TENM4: variants seen among roughly 807,000 people sequenced by gnomAD.
The protein encoded by TENM4 is teneurin transmembrane protein 4, also known as teneurin-4.
TENM4 carries 82 observed loss-of-function variants against 243.3 expected under a neutral mutation model. The observed-to-expected ratio is 0.34, with a 90% CI of 0.28 to 0.40. TENM4 has a LOEUF of 0.40. TENM4 is among the 10% of genes least tolerant of loss of function. The probability of loss-of-function intolerance (pLI) is 1.00; values close to 1 mark genes in which losing one functional copy is unlikely to be tolerated. For synonymous variants in TENM4, 1,412 were observed against 1,456.3 expected (o/e 0.97, Z 0.69); for missense variants, 3,138 against 3,673.3 (o/e 0.85, Z 3.77).
intron 2 of TENM4, among the ~76,000 whole-genome samples, chr11:79,261,737 A>G (rs1008349677): frequency 6.6e-6 from 1 of 152,132 alleles, no homozygotes; most frequent in Non-Finnish European, 1.5e-5. Flanking sequence ...AGATGAAACC[A>G]TTTAAAAAGC....
At chr11:78,912,313 G>A (rs1357549156) in intron 6 of TENM4, among the ~76,000 whole-genome samples, 1 of 152,180 alleles carries the variant, frequency 6.6e-6, no homozygotes. Flanking sequence ...GGAGTGCAGT[G>A]GTGCGATCTC....
At chr11:79,013,876 A>G (rs1858709978) in intron 6 of TENM4, among the ~76,000 whole-genome samples, 1 of 152,162 alleles carries the variant, frequency 6.6e-6, no homozygotes, top group South Asian at 2.1e-4. Flanking sequence ...GCCCTCAGAG[A>G]TCCAGCTGAG....
chr11:79,137,101 T>A (rs1862124558), intron 4 of TENM4, among the ~76,000 whole-genome samples: 1 of 152,188 alleles, frequency 6.6e-6, no homozygotes, highest in Non-Finnish European at 1.5e-5. Flanking sequence ...TTTTACTTCC[T>A]GTTCCTGTGA....
At chr11:79,195,025 C>A (rs1002262818) in intron 3 of TENM4, among the ~76,000 whole-genome samples, 2 of 152,182 alleles carry the variant, frequency 1.3e-5, no homozygotes, top group Admixed American at 1.3e-4. Flanking sequence ...TCCAGCCATG[C>A]CTGAAAGGGG....
intron 1 of TENM4, among the ~76,000 whole-genome samples, chr11:79,422,955 AT>A (rs1419804456): frequency 1.4e-4 from 22 of 152,212 alleles, no homozygotes; most frequent in Admixed American, 2.6e-4. Context: ...CAGCTGGGCC[AT>A]TTGAATCAGA....
At chr11:79,321,079 CAGGGTT>C (rs1856880661) in intron 1 of TENM4, among the ~76,000 whole-genome samples, 1 of 152,224 alleles carries the variant, frequency 6.6e-6, no homozygotes. Flanking sequence ...GGCCTAGCTT[CAGGGTT>C]AGTGTACCAC....
chr11:79,418,094 C>T (rs1231598128), intron 1 of TENM4, among the ~76,000 whole-genome samples: 1 of 151,854 alleles, frequency 6.6e-6, no homozygotes, highest in African/African-American at 2.4e-5. Context: ...AGAAAGCAAA[C>T]ATAAATATGA....
At chr11:79,236,692 C>T (rs1032948936) in intron 2 of TENM4, among the ~76,000 whole-genome samples, 11 of 152,176 alleles carry the variant, frequency 7.2e-5, no homozygotes, top group African/African-American at 2.7e-4. Flanking sequence ...ACTTCAACCT[C>T]CTTCCAGTGT....
chr11:78,818,524 G>A (rs1444189871), intron 12 of TENM4, among the ~76,000 whole-genome samples: 1 of 152,160 alleles, frequency 6.6e-6, no homozygotes, highest in Non-Finnish European at 1.5e-5. Context: ...ATGGAAAGGA[G>A]AAATATAGAG....
chr11:79,274,939 C>T (rs1027105034), intron 2 of TENM4, among the ~76,000 whole-genome samples: 1 of 152,172 alleles, frequency 6.6e-6, no homozygotes, highest in Non-Finnish European at 1.5e-5. Context: ...TGCTCAGTGG[C>T]TCTCGCACAG....
intron 4 of TENM4, among the ~76,000 whole-genome samples, chr11:79,117,231 C>G (rs1210274753): frequency 6.6e-6 from 1 of 152,186 alleles, no homozygotes. Context: ...TGATTTTCCC[C>G]TTCATCAGCT....
At chr11:78,778,542 A>G in intron 17 of TENM4, 60 bp downstream of exon 17, 2 of 1,538,668 alleles carry the variant, frequency 1.3e-6, no homozygotes, top group Middle Eastern at 1.7e-4. Flanking sequence ...TTCTTCTTTT[A>G]TACTCATACA....
chr11:79,052,197 C>A (rs544896776), intron 6 of TENM4, among the ~76,000 whole-genome samples: 3 of 152,198 alleles, frequency 2.0e-5, no homozygotes, highest in African/African-American at 7.2e-5. Context: ...GGAATTGCCA[C>A]GCTGTCTTCC....
chr11:79,347,940 C>T (rs1351503775), intron 1 of TENM4, among the ~76,000 whole-genome samples: 2 of 151,604 alleles, frequency 1.3e-5, no homozygotes, highest in Admixed American at 6.6e-5. Flanking sequence ...CCACCGCGCC[C>T]GGCTAATTTT....
At chr11:78,816,581 C>T (rs1857608981) in intron 12 of TENM4, among the ~76,000 whole-genome samples, 1 of 152,170 alleles carries the variant, frequency 6.6e-6, no homozygotes, top group South Asian at 2.1e-4. Flanking sequence ...AGACATCCAG[C>T]CCAATGATCT....
intron 1 of TENM4, among the ~76,000 whole-genome samples, chr11:79,325,472 A>T (rs932797274): frequency 1.3e-5 from 2 of 152,166 alleles, no homozygotes; most frequent in Admixed American, 1.3e-4. Context: ...GGAATGCCCC[A>T]CTGGTATAAC....
chr11:78,995,037 A>G (rs763021922), intron 6 of TENM4, among the ~76,000 whole-genome samples: 3 of 152,248 alleles, frequency 2.0e-5, no homozygotes, highest in Non-Finnish European at 4.4e-5. Flanking sequence ...GAGTGAGGTG[A>G]CAAAGTTATG....
At chr11:78,759,228 C>T (rs772946707) in intron 18 of TENM4, among the ~76,000 whole-genome samples, 27 of 152,328 alleles carry the variant, frequency 1.8e-4, no homozygotes, top group Non-Finnish European at 2.9e-4. Context: ...AAGCACCTGT[C>T]TTCTCCAGCA....
At chr11:79,039,985 T>C (rs7128923) in intron 6 of TENM4, among the ~76,000 whole-genome samples, 25,656 of 151,698 alleles carry the variant, frequency 0.17, 4,243 homozygotes, top group African/African-American at 0.43. Flanking sequence ...ACTGAATCTT[T>C]TGGGGACCAC....
Sources: allele counts gnomAD v4.1 joint callset (sites outside exome capture counted in the v4.1 genomes callset), GRCh38; gene constraint gnomAD v4.1.1; transcripts MANE v1.5; gene names NCBI Gene and HGNC (gene_info 2026-07-23, HGNC 2026-07-21).